NLGN1: variants seen among roughly 807,000 people sequenced by gnomAD.
NLGN1 encodes neuroligin 1, also known as neuroligin-1.
NLGN1 carries 12 observed loss-of-function variants against 65.5 expected under a neutral mutation model. That is an observed-to-expected ratio of 0.18 (90% CI 0.12 to 0.30). The LOEUF is 0.30. Ranked by LOEUF, NLGN1 falls within the 10% of genes least tolerant of loss-of-function variation. The pLI, the probability that NLGN1 is intolerant of heterozygous loss-of-function variation, is 1.00. For missense variants in NLGN1, 750 were observed against 1,007.1 expected, an observed-to-expected ratio of 0.74 and a Z score of 3.46; for synonymous variants, 350 against 359.5, an observed-to-expected ratio of 0.97 and a Z score of 0.30.
At chr3:173,669,099 G>A (rs1204210242) in intron 3 of NLGN1, among the ~76,000 whole-genome samples, 1 of 152,152 alleles carries the variant, frequency 6.6e-6, no homozygotes, top group Admixed American at 6.5e-5. Context: ...TAGACACTGG[G>A]AAGTCATTGC....
At chr3:173,528,292 T>G (rs1475228834) in intron 2 of NLGN1, among the ~76,000 whole-genome samples, 1 of 152,224 alleles carries the variant, frequency 6.6e-6, no homozygotes, top group African/African-American at 2.4e-5. Flanking sequence ...TCTCAATGTC[T>G]TCTGGCTGAG....
At chr3:174,199,336 T>A (rs1181911447) in intron 4 of NLGN1, among the ~76,000 whole-genome samples, 9 of 151,642 alleles carry the variant, frequency 5.9e-5, no homozygotes, top group African/African-American at 1.9e-4. Flanking sequence ...TTTGAGACAA[T>A]GTTCGATTCA....
chr3:173,468,498 G>A (rs1724756303), intron 2 of NLGN1, among the ~76,000 whole-genome samples: 1 of 151,970 alleles, frequency 6.6e-6, no homozygotes, highest in Non-Finnish European at 1.5e-5. Flanking sequence ...GGGGAACTGA[G>A]GCCATCAAAT....
chr3:173,789,197 CA>C (rs201049756), intron 3 of NLGN1, among the ~76,000 whole-genome samples: 5,098 of 122,802 alleles, frequency 0.042, 140 homozygotes, highest in African/African-American at 0.09. Flanking sequence ...AGAGTCCATC[CA>C]AAAAAAAAAG....
At chr3:174,093,936 A>T (rs541465816) in intron 4 of NLGN1, among the ~76,000 whole-genome samples, 120 of 152,254 alleles carry the variant, frequency 7.9e-4, no homozygotes, top group African/African-American at 2.8e-3. Flanking sequence ...CTCATGAATA[A>T]AATTTAGTAT....
At chr3:174,215,620 C>T (rs1022408254) in intron 4 of NLGN1, among the ~76,000 whole-genome samples, 23 of 152,206 alleles carry the variant, frequency 1.5e-4, no homozygotes, top group Admixed American at 6.5e-4. Flanking sequence ...CTTTTATATG[C>T]CTTGTAACTG....
chr3:174,125,042 G>A lies in NLGN1; in HGVS notation c.647-150273G>A, dbSNP rs111231178. On this transcript the variant is annotated intron_variant, in intron 4 of 6. Transcript: ENST00000457714. ...TGAGAGTGCATGGAGAATGGCATGA[G>A]ATGGAGTTGGAGGAATATTCAAGTG... Among the ~76,000 whole-genome samples, 702 of 152,214 alleles carry A rather than the reference G, an allele frequency of 4.6e-3. 8 individuals carry two copies. The highest frequency in any genetic ancestry group is 0.016 in the African/African-American group (656 of 41,544).
chr3:174,007,576 A>G (rs1724693267), intron 4 of NLGN1, among the ~76,000 whole-genome samples: 1 of 152,204 alleles, frequency 6.6e-6, no homozygotes, highest in East Asian at 1.9e-4. Context: ...CCAATGATGT[A>G]CAAACTTATA....
chr3:173,951,801 C>T (rs1330882185), intron 4 of NLGN1, among the ~76,000 whole-genome samples: 6 of 152,040 alleles, frequency 3.9e-5, no homozygotes, highest in Non-Finnish European at 8.8e-5. Context: ...CTATATAATA[C>T]GTCTTAGTGT....
chr3:174,192,744 T>A (rs752800922), intron 4 of NLGN1, among the ~76,000 whole-genome samples: 3 of 152,190 alleles, frequency 2.0e-5, no homozygotes, highest in South Asian at 4.1e-4. Context: ...GCTCAATTAA[T>A]AAATAGTTTT....
chr3:173,780,186 A>G (rs753279754), intron 3 of NLGN1, among the ~76,000 whole-genome samples: 2 of 152,214 alleles, frequency 1.3e-5, no homozygotes, highest in Admixed American at 6.5e-5. Context: ...ACTTCCATAC[A>G]TAATAATGTG....
intron 4 of NLGN1, among the ~76,000 whole-genome samples, chr3:173,935,622 A>ACTCTCTCTCTCT (rs72137673): frequency 2.1e-4 from 23 of 108,002 alleles, no homozygotes; most frequent in African/African-American, 8.3e-4. Context: ...ACACACACAC[A>ACTCTCTCTCTCT]CTCTCTCTCT....
At chr3:174,183,827 A>G (rs558689604) in intron 4 of NLGN1, among the ~76,000 whole-genome samples, 28 of 152,312 alleles carry the variant, frequency 1.8e-4, no homozygotes, top group African/African-American at 6.7e-4. Context: ...TCACCTAGGT[A>G]CTGGAAGTTG....
At chr3:173,631,653 C>G (rs1480753057) in intron 3 of NLGN1, among the ~76,000 whole-genome samples, 1 of 152,050 alleles carries the variant, frequency 6.6e-6, no homozygotes, top group Non-Finnish European at 1.5e-5. Flanking sequence ...TTATCTATAA[C>G]CATGGTTACG....
intron 3 of NLGN1, among the ~76,000 whole-genome samples, chr3:173,779,815 A>G (rs1187499810): frequency 1.3e-5 from 2 of 152,186 alleles, no homozygotes; most frequent in African/African-American, 2.4e-5. Context: ...AACAGGCCTT[A>G]AAGATGAGTG....
chr3:173,803,609 C>CA (rs915490555), intron 3 of NLGN1, among the ~76,000 whole-genome samples: 1 of 151,430 alleles, frequency 6.6e-6, no homozygotes, highest in African/African-American at 2.4e-5. Context: ...TTCTGTCAAA[C>CA]AAAAAAAATT....
intron 2 of NLGN1, among the ~76,000 whole-genome samples, chr3:173,581,608 A>G (rs1311172452): frequency 4.6e-5 from 7 of 152,088 alleles, no homozygotes; most frequent in Middle Eastern, 3.4e-3. Flanking sequence ...TTTGCTTCCT[A>G]GCTAGAATTT....
intron 3 of NLGN1, among the ~76,000 whole-genome samples, chr3:173,686,844 T>G (rs1764751816): frequency 6.6e-6 from 1 of 151,796 alleles, no homozygotes; most frequent in Non-Finnish European, 1.5e-5. Context: ...TTCCAGCTAC[T>G]CAGGAGGCTG....
intron 4 of NLGN1, among the ~76,000 whole-genome samples, chr3:174,185,669 A>T (rs1009475744): frequency 6.6e-6 from 1 of 152,112 alleles, no homozygotes; most frequent in Non-Finnish European, 1.5e-5. Flanking sequence ...GAATATAAAG[A>T]TCAGACATAT....
Sources: gnomAD v4.1 joint callset for allele counts (sites outside exome capture counted in the v4.1 genomes callset) on GRCh38, gnomAD v4.1.1 for gene constraint, MANE v1.5 for transcripts, NCBI Gene and HGNC (gene_info 2026-07-23, HGNC 2026-07-21) for gene names.